Variants in ZFAND3 observed in about 807,000 individuals in gnomAD.
ZFAND3 encodes zinc finger AN1-type containing 3.
ZFAND3 carries 10 observed loss-of-function variants against 29.6 expected under a neutral mutation model. The ratio of observed to expected loss-of-function variants is 0.34; its 90% CI spans 0.21 to 0.57. The LOEUF is 0.57. Among genes scored for constraint, ZFAND3 ranks in the 20% least tolerant of loss-of-function variants. The probability of loss-of-function intolerance (pLI) is 0.86; values close to 1 mark genes in which losing one functional copy is unlikely to be tolerated. For synonymous variants in ZFAND3, 128 were observed against 112.6 expected (o/e 1.14, Z -0.87); for missense variants, 230 against 304.5 (o/e 0.76, Z 1.82).
At chr6:37,859,876 T>TC (rs1167956110) in intron 1 of ZFAND3, among the ~76,000 whole-genome samples, 28 of 138,566 alleles carry the variant, frequency 2.0e-4, no homozygotes, top group African/African-American at 7.6e-4. Flanking sequence ...TTTTTTTTTT[T>TC]CTTTCTTTTT....
At chr6:38,114,514 T>G (rs189406423) in intron 4 of ZFAND3, among the ~76,000 whole-genome samples, 92 of 152,326 alleles carry the variant, frequency 6.0e-4, no homozygotes, top group African/African-American at 2.1e-3. Flanking sequence ...AGTTGGTTTG[T>G]ATTGGGGCAA....
At chr6:37,871,730 C>T (rs981407916) in intron 1 of ZFAND3, among the ~76,000 whole-genome samples, 1 of 152,142 alleles carries the variant, frequency 6.6e-6, no homozygotes, top group Admixed American at 6.5e-5. Context: ...CACCTTTTCT[C>T]TTTGAGTATG....
intron 2 of ZFAND3, among the ~76,000 whole-genome samples, chr6:37,956,570 G>A (rs1007641328): frequency 6.6e-6 from 1 of 152,212 alleles, no homozygotes; most frequent in African/African-American, 2.4e-5. Context: ...GTGAGGTAGG[G>A]AGATTAAAAT....
chr6:37,825,954 A>G (rs1341246267), intron 1 of ZFAND3, among the ~76,000 whole-genome samples: 1 of 152,226 alleles, frequency 6.6e-6, no homozygotes, highest in African/African-American at 2.4e-5. Flanking sequence ...GTGATGTAGT[A>G]TTTTGAATTC....
At chr6:38,043,533 CT>C in intron 2 of ZFAND3, among the ~76,000 whole-genome samples, 1 of 150,156 alleles carries the variant, frequency 6.7e-6, no homozygotes, top group African/African-American at 2.5e-5. Context: ...CTTTTCTCCC[CT>C]CTCCCCTTTT....
At chr6:37,964,471 A>C (rs1438228219) in intron 2 of ZFAND3, among the ~76,000 whole-genome samples, 1 of 152,314 alleles carries the variant, frequency 6.6e-6, no homozygotes, top group East Asian at 1.9e-4. Context: ...AGACCTTGGC[A>C]AAGAGAACAA....
chr6:38,082,872 G>A (rs116574967), intron 4 of ZFAND3, among the ~76,000 whole-genome samples: 3,353 of 152,122 alleles, frequency 0.022, 69 homozygotes, highest in Middle Eastern at 0.058. Context: ...ATTATTTTCT[G>A]TCATTCGATT....
At chr6:38,028,485 A>G (rs1388082019) in intron 2 of ZFAND3, among the ~76,000 whole-genome samples, 2 of 151,904 alleles carry the variant, frequency 1.3e-5, no homozygotes, top group South Asian at 2.1e-4. Flanking sequence ...ATTTGAATGT[A>G]TAGTGGTCTA....
chr6:38,129,438 T>C (rs140855636), intron 5 of ZFAND3, among the ~76,000 whole-genome samples: 2 of 152,320 alleles, frequency 1.3e-5, no homozygotes, highest in Non-Finnish European at 2.9e-5. Flanking sequence ...TGTTATCTTT[T>C]AGAATTTTTA....
chr6:37,842,065 A>C (rs1244257358), intron 1 of ZFAND3, among the ~76,000 whole-genome samples: 1 of 152,112 alleles, frequency 6.6e-6, no homozygotes, highest in Non-Finnish European at 1.5e-5. Flanking sequence ...TGCTCCCTTC[A>C]TCCTCTTTTA....
chr6:37,928,999 G>A (rs1761542560), intron 1 of ZFAND3, among the ~76,000 whole-genome samples: 1 of 152,218 alleles, frequency 6.6e-6, no homozygotes, highest in Non-Finnish European at 1.5e-5. Flanking sequence ...TAATGGGGAT[G>A]AGACTGTATG....
In ZFAND3 at chr6:38,025,252, C is replaced by T. The variant is rs140574618; in HGVS notation, c.113-36341C>T. 5.9e-4 allele frequency among the ~76,000 whole-genome samples: 90 copies of T among 152,294 alleles called. No homozygotes were observed. The East Asian group carries it at 0.013, about 22-fold the overall frequency. On this transcript the variant is annotated intron_variant, in intron 2 of 5. Coordinates refer to ENST00000287218, the MANE Select transcript of ZFAND3 (RefSeq NM_021943.3). ...CAAGTCACATACTCTTATTAAGGGA[C>T]ATTACTCAGGAGAGACAAAGGTCTT...
intron 4 of ZFAND3, among the ~76,000 whole-genome samples, chr6:38,100,517 G>A (rs1441943036): frequency 6.6e-6 from 1 of 152,242 alleles, no homozygotes; most frequent in Non-Finnish European, 1.5e-5. Flanking sequence ...AAGTCTGTGA[G>A]TAATCACTGA....
chr6:38,074,661 G>A lies in ZFAND3; in HGVS notation c.296-7731G>A, dbSNP rs78912955. The stretch of plus-strand genomic sequence containing the variant: ...TTAACAAAAATACCTAGCTGAGATC[G>A]CTGATGAAAGTGACTACACTAAACA... On this transcript the variant is annotated intron_variant, in intron 3 of 5. Transcript: ENST00000287218. 4.3e-3 allele frequency among the ~76,000 whole-genome samples: 662 copies of A among 152,294 alleles called. 3 individuals are homozygous for A. Among genetic ancestry groups the A allele is most frequent in the African/African-American group, 0.015 (634 of 41,566 alleles).
intron 4 of ZFAND3, among the ~76,000 whole-genome samples, chr6:38,108,260 G>T (rs1188051139): frequency 6.6e-6 from 1 of 152,112 alleles, no homozygotes; most frequent in African/African-American, 2.4e-5. Flanking sequence ...GTATAAATAT[G>T]GAGGGGCGAG....
rs187169745 is a variant in ZFAND3 at position 37,854,076 on chromosome 6, C to T, written c.71+34060C>T. On this transcript the variant is annotated intron_variant, in intron 1 of 5. Transcript: ENST00000287218. ...AAGCGATTCTCCTGCCTCAGCCTCCCGAGTAGCTGGGATTATAGGCATGCA... is the reference window on the plus strand; with the variant it reads ...AAGCGATTCTCCTGCCTCAGCCTCCTGAGTAGCTGGGATTATAGGCATGCA... Among the ~76,000 whole-genome samples, 561 of 152,194 alleles carry T rather than the reference C, an allele frequency of 3.7e-3. 2 individuals are homozygous for T. Among genetic ancestry groups the T allele is most frequent in the South Asian group, 9.8e-3 (47 of 4,812 alleles).
At chr6:38,031,564 GGAGTCCAGTAGACTT>G (rs1329227752) in intron 2 of ZFAND3, among the ~76,000 whole-genome samples, 1 of 152,086 alleles carries the variant, frequency 6.6e-6, no homozygotes, top group East Asian at 1.9e-4. Flanking sequence ...CTCAGACTTT[GGAGTCCAGTAGACTT>G]GAGTACTTGT....
intron 1 of ZFAND3, among the ~76,000 whole-genome samples, chr6:37,893,165 T>C (rs1191906998): frequency 6.6e-6 from 1 of 152,144 alleles, no homozygotes; most frequent in East Asian, 1.9e-4. Flanking sequence ...CCAATATCTC[T>C]TATGAATATG....
chr6:38,120,513 A>G lies in ZFAND3; in HGVS notation c.529+3774A>G, dbSNP rs192378200. Among the ~76,000 whole-genome samples the G allele has an allele frequency of 6.6e-5, 10 of 151,596 alleles. 1 individual carries two copies. In the East Asian group the frequency reaches 1.9e-3, roughly 29 times the overall value. ...GCTAATTTTTTGTATTTTAGTACAG[A>G]CAGGGATTCATCATGTTGCCCAGGC... On this transcript the variant is annotated intron_variant, in intron 5 of 5. Coordinates refer to ENST00000287218, the MANE Select transcript of ZFAND3 (RefSeq NM_021943.3).
Sources: allele counts gnomAD v4.1 joint callset (sites outside exome capture counted in the v4.1 genomes callset), GRCh38; gene constraint gnomAD v4.1.1; transcripts MANE v1.5; gene names NCBI Gene and HGNC (gene_info 2026-07-23, HGNC 2026-07-21).